Variants in SLC29A4 observed in about 807,000 individuals in gnomAD.
SLC29A4 encodes the protein solute carrier family 29 member 4, also known as equilibrative nucleoside transporter 4.
SLC29A4 carries 36 observed loss-of-function variants against 43.9 expected under a neutral mutation model. The ratio of observed to expected loss-of-function variants is 0.82; its 90% CI spans 0.63 to 1.08. The LOEUF (loss-of-function observed/expected upper bound fraction) is 1.08, where lower values mean the gene tolerates loss of function less well. Among genes scored for constraint, SLC29A4 ranks in the 50% least tolerant of loss-of-function variants. The pLI is 0.00. For missense variants in SLC29A4, 869 were observed against 755.3 expected, an observed-to-expected ratio of 1.15 and a Z score of -1.77; for synonymous variants, 491 against 338.0, an observed-to-expected ratio of 1.45 and a Z score of -4.97.
At chr7:5,296,145 C>T (rs1385194752) in intron 6 of SLC29A4, among the ~76,000 whole-genome samples, 4 of 152,176 alleles carry the variant, frequency 2.6e-5, no homozygotes, top group East Asian at 3.9e-4. Flanking sequence ...GCTGCACTCC[C>T]GGCCCTGTCC....
At chr7:5,287,413 G>T (rs1476855540) in intron 1 of SLC29A4, among the ~76,000 whole-genome samples, 4 of 142,624 alleles carry the variant, frequency 2.8e-5, no homozygotes, top group Non-Finnish European at 6.0e-5. Context: ...GTGAGACCCT[G>T]TCTGAAAAAA....
chr7:5,300,336 TGGGGATGTGGCTAGAGGCTGTC>T, intron 9 of SLC29A4, 64 bp from the exon 10 acceptor site: 2 of 1,568,934 alleles, frequency 1.3e-6, no homozygotes, highest in East Asian at 4.5e-5. Context: ...TGTTTAGGGA[TGGGGATGTGGCTAGAGGCTGTC>T]GGGGGTGTGA....
intron 9 of SLC29A4, among the ~76,000 whole-genome samples, chr7:5,300,182 C>T (rs751446424): frequency 7.2e-5 from 11 of 151,996 alleles, no homozygotes; most frequent in African/African-American, 2.7e-4. Context: ...CAGTGAGCCA[C>T]CATCGTGTCA....
rs762994450 is a variant in SLC29A4 at position 5,297,091 on chromosome 7, C to T, written c.775C>T (p.Leu259Phe). The stretch of plus-strand genomic sequence containing the variant: ...GTTAGTGCGGCGCAGCCGCTTCGTG[C>T]TCTTCTATACCACACGGCCGCGTGA... ...HLLVRRSRFV[L>F]FYTTRPRDSH... The change falls in exon 7 of 11, where the codon CTC becomes TTC. Residue 259 changes from leucine (L) to phenylalanine (F), a missense_variant. Physicochemically the swap from Leu to Phe is conservative, Grantham distance 22. Coordinates refer to ENST00000396872, the MANE Select transcript of SLC29A4 (RefSeq NM_153247.4). 6.2e-7 allele frequency: 1 copy of T among 1,607,894 alleles called. No homozygotes were observed. Among genetic ancestry groups the T allele is most frequent in the East Asian group, 2.2e-5 (1 of 44,870 alleles).
chr7:5,287,837 G>T lies in SLC29A4; in HGVS notation c.21G>T (p.Gln7His). The change falls in exon 2 of 11, where the codon CAG (glutamine) becomes CAT (histidine). Residue 7 changes from glutamine to histidine, a missense_variant. Coordinates refer to ENST00000396872, the MANE Select transcript of SLC29A4 (RefSeq NM_153247.4). ...CTGCCATGGGCTCCGTGGGGAGCCA[G>T]CGCCTTGAGGAGCCCAGCGTGGCAG... MGSVGSQRLEEPSVAGT... is the reference protein window; with the variant it reads MGSVGSHRLEEPSVAGT... 6.2e-7 allele frequency: 1 copy of T among 1,611,642 alleles called. No individual in the cohort carries two copies. The highest frequency in any genetic ancestry group is 8.5e-7 in the Non-Finnish European group (1 of 1,179,764).
In SLC29A4 at chr7:5,300,792, G is replaced by A. The variant is rs142610774; in HGVS notation, c.1450+130G>A. On this transcript the variant is annotated intron_variant, in intron 10 of 10. Coordinates refer to ENST00000396872, the MANE Select transcript of SLC29A4 (RefSeq NM_153247.4). ...GGGGTTCAGAACAGTCAGTGTCTGG[G>A]AGGCCGTAGGTGTGGGGACATTCTC... 7.4e-3 allele frequency: 9,403 copies of A among 1,269,760 alleles called. 44 individuals are homozygous for A. The highest frequency in any genetic ancestry group is 0.01 in the Middle Eastern group (37 of 3,652). 78.7% of individuals were successfully genotyped at this position (1,269,760 alleles called of 1,614,324 possible). A position where few individuals can be genotyped will look rare whatever the true frequency, so the allele number is the denominator to read the frequency against.
intron 5 of SLC29A4, 138 bp from the exon 6 acceptor site, chr7:5,294,722 T>C: frequency 1.2e-6 from 1 of 841,940 alleles, no homozygotes; most frequent in South Asian, 1.5e-5. Context: ...TACTGCTGCG[T>C]GTCAAATCTC....
At chr7:5,300,327 G>C in intron 9 of SLC29A4, 95 bp from the exon 10 acceptor site, 2 of 1,583,814 alleles carry the variant, frequency 1.3e-6, no homozygotes, top group South Asian at 1.1e-5. Context: ...GCCCAGGAGT[G>C]TTTAGGGATG....
At chr7:5,291,307 C>A in intron 4 of SLC29A4, 70 bp downstream of exon 4, 3 of 1,404,852 alleles carry the variant, frequency 2.1e-6, no homozygotes, top group South Asian at 1.2e-5. Flanking sequence ...CACCCACTCA[C>A]CCAGTTTCCC....
chr7:5,290,233 T>G (rs1785218719), intron 2 of SLC29A4, among the ~76,000 whole-genome samples: 1 of 152,150 alleles, frequency 6.6e-6, no homozygotes, highest in Non-Finnish European at 1.5e-5. Context: ...TTTTGGGTTT[T>G]TTTGTATTTT....
chr7:5,287,918 G>A lies in SLC29A4; in HGVS notation c.102G>A (p.Glu34=). 6.2e-7 allele frequency: 1 copy of A among 1,611,820 alleles called. No homozygotes were observed. ...TCACCTTCGACAGTCACCAGCTGGA[G>A]GAGGCGGCGGAGGCGGCTCAGGGCC... ...MSFTFDSHQL[E]EAAEAAQGQG... Residue 34 remains glutamate, a synonymous_variant, in exon 2 of 11, where the codon GAG becomes GAA. Transcript: ENST00000396872.
chr7:5,292,405 TG>T (rs1357902803), intron 5 of SLC29A4, among the ~76,000 whole-genome samples: 2 of 152,008 alleles, frequency 1.3e-5, no homozygotes, highest in Non-Finnish European at 2.9e-5. Flanking sequence ...TGAGCCATCG[TG>T]CCTGGCCTTT....
chr7:5,294,750 T>C (rs1785532855), intron 5 of SLC29A4, 110 bp from the exon 6 acceptor site: 2 of 1,057,350 alleles, frequency 1.9e-6, no homozygotes, highest in Non-Finnish European at 1.5e-6. Flanking sequence ...TTAGTGGTGT[T>C]AACGGCTGTT....
intron 6 of SLC29A4, 62 bp from the exon 7 acceptor site, chr7:5,296,874 G>C: frequency 7.0e-7 from 1 of 1,438,320 alleles, no homozygotes; most frequent in South Asian, 1.4e-5. Flanking sequence ...GGGCTGGGGC[G>C]GGACGGGGCG....
intron 6 of SLC29A4, among the ~76,000 whole-genome samples, chr7:5,296,298 C>T (rs1785654566): frequency 6.6e-6 from 1 of 151,614 alleles, no homozygotes; most frequent in African/African-American, 2.4e-5. Context: ...TCCCACCCTG[C>T]GCCCGTGTGT....
chr7:5,291,047 T>TG, intron 3 of SLC29A4, 77 bp from the exon 4 acceptor site: 1 of 1,566,850 alleles, frequency 6.4e-7, no homozygotes. Context: ...GAGCCCCTTC[T>TG]GGGAGGTCTC....
At chr7:5,297,473 C>T (rs1020921804) in intron 7 of SLC29A4, among the ~76,000 whole-genome samples, 1 of 152,216 alleles carries the variant, frequency 6.6e-6, no homozygotes, top group Non-Finnish European at 1.5e-5. Flanking sequence ...CGGCGTGGGG[C>T]GTGCATGGCC....
In SLC29A4 at chr7:5,287,850, C is replaced by G. The variant is rs1422574959; in HGVS notation, c.34C>G (p.Pro12Ala). The G allele has an allele frequency of 6.8e-6, 11 of 1,611,894 alleles. No homozygotes were observed. The highest frequency in any genetic ancestry group is 9.3e-6 in the Non-Finnish European group (11 of 1,179,824). Residue 12 changes from proline (P) to alanine (A), a missense_variant, in exon 2 of 11, where the codon CCC (proline) becomes GCC (alanine). By Grantham distance (27) the Pro-to-Ala change is conservative. Coordinates refer to ENST00000396872, the MANE Select transcript of SLC29A4 (RefSeq NM_153247.4). ...CGTGGGGAGCCAGCGCCTTGAGGAG[C>G]CCAGCGTGGCAGGCACACCAGACCC... ...GSVGSQRLEE[P>A]SVAGTPDPGV... is the part of the protein sequence containing the mutation.
rs756862104 is a variant in SLC29A4, at chr7:5,302,810, C to G, written c.1464C>G (p.Thr488=). The change falls in exon 11 of 11, where the codon ACC becomes ACG. Residue 488 remains threonine (T), a synonymous_variant. Transcript: ENST00000396872. ...TGTTGTCCACAGGGAACACCATGAC[C>G]GTGTCCTACATGTCAGGGCTGACGC... ...KQRELAGNTM[T]VSYMSGLTLG... is the part of the protein sequence containing the mutation. The G allele has an allele frequency of 6.4e-6, 10 of 1,561,654 alleles. No individual in the cohort carries two copies. In the East Asian group the frequency reaches 2.4e-4, roughly 37 times the overall value.
Sources: gnomAD v4.1 joint callset for allele counts (sites outside exome capture counted in the v4.1 genomes callset) on GRCh38, gnomAD v4.1.1 for gene constraint, MANE v1.5 for transcripts, NCBI Gene and HGNC (gene_info 2026-07-23, HGNC 2026-07-21) for gene names.